The following TXNRD1 variants were observed in gnomAD, a reference collection of about 807,000 sequenced individuals.
The protein encoded by TXNRD1 is thioredoxin reductase 1, cytoplasmic.
A neutral mutation model predicts 80.3 loss-of-function variants in TXNRD1; 57 were observed. The observed-to-expected ratio is 0.71, with a 90% CI of 0.57 to 0.89. The LOEUF is 0.89. TXNRD1 is among the 40% of genes least tolerant of loss of function. TXNRD1 has a pLI of 0.00. For synonymous variants in TXNRD1, 291 were observed against 285.2 expected (o/e 1.02, Z -0.20); for missense variants, 730 against 803.0 (o/e 0.91, Z 1.10).
intron 4 of TXNRD1, chr12:104,304,755 G>A (rs565042362): frequency 1.9e-6 from 3 of 1,613,974 alleles, no homozygotes; most frequent in Admixed American, 1.7e-5. Flanking sequence ...GCAAGAATAA[G>A]GCTTGATGAA....
chr12:104,287,172 G>T, intron 3 of TXNRD1: 2 of 1,572,928 alleles, frequency 1.3e-6, no homozygotes, highest in East Asian at 2.2e-5. Flanking sequence ...GCACGCGGGG[G>T]ACGGCCTGCC....
At position 104,350,074 on chromosome 12, in the gene TXNRD1, C is replaced by T. The variant is rs531949566; in HGVS notation, c.*1653C>T. 6.6e-6 allele frequency: 1 copy of T among 152,134 alleles called. No individual in the cohort carries two copies. The highest frequency in any genetic ancestry group is 1.5e-5 in the Non-Finnish European group (1 of 68,016). 9.4% of individuals were successfully genotyped at this position (152,134 alleles called of 1,614,324 possible). A position where few individuals can be genotyped will look rare whatever the true frequency, so the allele number is the denominator to read the frequency against. On this transcript the variant is annotated 3_prime_UTR_variant, in exon 17 of 17. Coordinates refer to ENST00000525566, the MANE Select transcript of TXNRD1 (RefSeq NM_001093771.3). Reference sequence around the variant, plus strand: ...AGAACAGTAGGCGGTATGAGATAATCAGGCCTAATCATGTTGTGATTCTCT... The same window carrying T: ...AGAACAGTAGGCGGTATGAGATAATTAGGCCTAATCATGTTGTGATTCTCT...
intron 1 of TXNRD1, among the ~76,000 whole-genome samples, chr12:104,241,167 G>C (rs552364407): frequency 2.8e-4 from 43 of 151,540 alleles, no homozygotes; most frequent in African/African-American, 9.7e-4. Flanking sequence ...AGCCTCCCAA[G>C]TAGCTGGGAC....
intron 11 of TXNRD1, among the ~76,000 whole-genome samples, chr12:104,325,672 G>A (rs1356701557): frequency 6.6e-6 from 1 of 152,162 alleles, no homozygotes; most frequent in Non-Finnish European, 1.5e-5. Flanking sequence ...AAGGGATCGG[G>A]ACCATCCTGG....
At chr12:104,299,136 G>C (rs1213317535) in intron 4 of TXNRD1, among the ~76,000 whole-genome samples, 2 of 152,106 alleles carry the variant, frequency 1.3e-5, no homozygotes, top group Non-Finnish European at 2.9e-5. Context: ...TCCTCTTTAA[G>C]GAGCAGGCAG....
intron 1 of TXNRD1, among the ~76,000 whole-genome samples, chr12:104,219,946 A>G (rs2135672347): frequency 6.6e-6 from 1 of 152,162 alleles, no homozygotes; most frequent in Middle Eastern, 3.4e-3. Flanking sequence ...TTAAAAACTC[A>G]TTTTCCTGTT....
chr12:104,256,413 G>A (rs1003597072), intron 2 of TXNRD1, among the ~76,000 whole-genome samples: 11 of 152,122 alleles, frequency 7.2e-5, no homozygotes, highest in Non-Finnish European at 1.5e-4. Context: ...ATTTCTTATA[G>A]CTATTTCAGA....
chr12:104,330,221 T>C (rs1455796637), intron 13 of TXNRD1, among the ~76,000 whole-genome samples: 1 of 152,256 alleles, frequency 6.6e-6, no homozygotes, highest in Non-Finnish European at 1.5e-5. Flanking sequence ...ACTTCTCTTA[T>C]TTTAAATGCA....
chr12:104,290,784 C>T (rs1407222842), intron 4 of TXNRD1, among the ~76,000 whole-genome samples: 4 of 97,788 alleles, frequency 4.1e-5, no homozygotes, highest in Admixed American at 3.9e-4. Flanking sequence ...TCTGATTATT[C>T]TATTATTTTC....
chr12:104,288,836 G>T (rs1453115623), intron 3 of TXNRD1, 95 bp from the exon 4 acceptor site: 2 of 1,610,002 alleles, frequency 1.2e-6, no homozygotes, highest in African/African-American at 2.7e-5. Flanking sequence ...CGGTGCCTGC[G>T]GGGCCGGGAC....
At chr12:104,293,775 G>A (rs1227946704) in intron 4 of TXNRD1, among the ~76,000 whole-genome samples, 4 of 152,156 alleles carry the variant, frequency 2.6e-5, no homozygotes, top group African/African-American at 9.7e-5. Flanking sequence ...TGGGCCCGGG[G>A]GACCGCTACC....
chr12:104,250,202 C>G (rs1003989908), intron 1 of TXNRD1, among the ~76,000 whole-genome samples: 1 of 151,966 alleles, frequency 6.6e-6, no homozygotes, highest in Non-Finnish European at 1.5e-5. Flanking sequence ...AGCAGGTTAT[C>G]CACATGCAAA....
intron 3 of TXNRD1, among the ~76,000 whole-genome samples, chr12:104,279,321 G>A (rs2033827332): frequency 6.6e-6 from 1 of 152,214 alleles, no homozygotes; most frequent in African/African-American, 2.4e-5. Context: ...ATGGTAACAT[G>A]AGAACATTTC....
At chr12:104,267,673 C>CTTTCTTTCTTTG (rs1565870129) in intron 3 of TXNRD1, among the ~76,000 whole-genome samples, 5,337 of 63,310 alleles carry the variant, frequency 0.084, 173 homozygotes, top group Middle Eastern at 0.16. Context: ...TTCTTTCTTT[C>CTTTCTTTCTTTG]TTTCTTTCTT....
chr12:104,269,194 T>C (rs7311464), intron 3 of TXNRD1, among the ~76,000 whole-genome samples: 18,596 of 152,070 alleles, frequency 0.12, 1,486 homozygotes, highest in South Asian at 0.22. Context: ...CGTGAACCAC[T>C]GTGCCCAGCC....
chr12:104,349,346 A>T lies in TXNRD1; in HGVS notation c.*925A>T, dbSNP rs1194251446. The T allele has an allele frequency of 6.6e-6, 1 of 152,514 alleles. No homozygotes were observed. The highest frequency in any genetic ancestry group is 1.5e-5 in the Non-Finnish European group (1 of 68,048). The allele number at this position is 152,514 out of a possible 1,614,324, so 9.4% of individuals were successfully genotyped here. On this transcript the variant is annotated 3_prime_UTR_variant, in exon 17 of 17. Transcript: ENST00000525566. The stretch of plus-strand genomic sequence containing the variant: ...TAGCTTTAGCTTTATGCTAAAAAAA[A>T]TAATGACATTGGGTATCTATTTCTT...
chr12:104,244,127 A>G (rs2032931250), intron 1 of TXNRD1, among the ~76,000 whole-genome samples: 1 of 152,218 alleles, frequency 6.6e-6, no homozygotes, highest in Non-Finnish European at 1.5e-5. Flanking sequence ...CCAAAGAGAT[A>G]AGTATCAGTT....
chr12:104,247,202 G>C (rs1021591898), intron 1 of TXNRD1, among the ~76,000 whole-genome samples: 1 of 151,886 alleles, frequency 6.6e-6, no homozygotes, highest in Non-Finnish European at 1.5e-5. Context: ...CAAGTAGCTG[G>C]GAATACAGGC....
chr12:104,269,715 G>A (rs11111967), intron 3 of TXNRD1, among the ~76,000 whole-genome samples: 47,796 of 151,672 alleles, frequency 0.32, 7,967 homozygotes, highest in East Asian at 0.66. Flanking sequence ...CTACAGGCAC[G>A]CGACACCATG....
Sources: allele counts gnomAD v4.1 joint callset (sites outside exome capture counted in the v4.1 genomes callset), GRCh38; gene constraint gnomAD v4.1.1; transcripts MANE v1.5; gene names NCBI Gene and HGNC (gene_info 2026-07-23, HGNC 2026-07-21).